The following FAF2 variants were observed in gnomAD, a reference collection of about 807,000 sequenced individuals.
The protein encoded by FAF2 is Fas associated factor family member 2.
A neutral mutation model predicts 62.3 loss-of-function variants in FAF2; 9 were observed. The observed-to-expected ratio is 0.14, with a 90% CI of 0.09 to 0.25. The LOEUF (loss-of-function observed/expected upper bound fraction) is 0.25. FAF2 is among the 10% of genes least tolerant of loss of function. The pLI, the probability that FAF2 is intolerant of heterozygous loss-of-function variation, is 1.00. For synonymous variants in FAF2, 202 were observed against 198.0 expected (o/e 1.02, Z -0.17); for missense variants, 368 against 556.2 (o/e 0.66, Z 3.40).
At chr5:176,462,831 C>T (rs944334982) in intron 1 of FAF2, among the ~76,000 whole-genome samples, 1 of 152,042 alleles carries the variant, frequency 6.6e-6, no homozygotes, top group Non-Finnish European at 1.5e-5. Flanking sequence ...CAGAATTTGT[C>T]AGCCTAGAAG....
At chr5:176,461,228 G>T (rs1214172376) in intron 1 of FAF2, among the ~76,000 whole-genome samples, 2 of 150,830 alleles carry the variant, frequency 1.3e-5, no homozygotes, top group African/African-American at 2.4e-5. Flanking sequence ...TGTCCAGGCT[G>T]GTCTCGAACT....
intron 9 of FAF2, 28 bp from the exon 10 acceptor site, chr5:176,499,975 G>C (rs976896396): frequency 1.2e-6 from 2 of 1,613,136 alleles, no homozygotes; most frequent in Non-Finnish European, 1.7e-6. Flanking sequence ...TTGAGCTGTA[G>C]CCTCACCTTT....
At chr5:176,498,492 T>C (rs924376551) in intron 8 of FAF2, among the ~76,000 whole-genome samples, 2 of 152,232 alleles carry the variant, frequency 1.3e-5, no homozygotes, top group Non-Finnish European at 2.9e-5. Flanking sequence ...CTGAAAACTC[T>C]ACATTTTCAG....
intron 4 of FAF2, 25 bp from the exon 5 acceptor site, chr5:176,492,168 TG>T: frequency 2.5e-6 from 4 of 1,613,878 alleles, no homozygotes; most frequent in Non-Finnish European, 3.4e-6. Flanking sequence ...GCTGGATTCA[TG>T]TGATATTTAT....
chr5:176,468,578 C>T (rs1581060424), intron 1 of FAF2, among the ~76,000 whole-genome samples: 2 of 151,892 alleles, frequency 1.3e-5, no homozygotes, highest in Non-Finnish European at 2.9e-5. Flanking sequence ...AGCAAGACTC[C>T]GTCTCAAAAA....
intron 10 of FAF2, among the ~76,000 whole-genome samples, chr5:176,502,374 A>G (rs1581077028): frequency 6.6e-6 from 1 of 151,432 alleles, no homozygotes; most frequent in Middle Eastern, 3.5e-3. Flanking sequence ...TGAGGTCGGG[A>G]GTTCAAGACC....
At chr5:176,449,431 C>T (rs558686772) in intron 1 of FAF2, among the ~76,000 whole-genome samples, 3 of 152,224 alleles carry the variant, frequency 2.0e-5, no homozygotes, top group East Asian at 3.9e-4. Flanking sequence ...AAATATTAGC[C>T]GGGCGTGGTG....
intron 1 of FAF2, among the ~76,000 whole-genome samples, chr5:176,470,719 T>C (rs565462307): frequency 3.3e-5 from 5 of 152,356 alleles, no homozygotes; most frequent in Admixed American, 1.3e-4. Flanking sequence ...AGACAGTGAA[T>C]GCCAAATGAG....
At chr5:176,501,706 TTC>T (rs1581076700) in intron 10 of FAF2, among the ~76,000 whole-genome samples, 1 of 150,618 alleles carries the variant, frequency 6.6e-6, no homozygotes, top group South Asian at 2.1e-4. Context: ...CTTGTTTTAT[TTC>T]TCTCTCATTT....
At chr5:176,453,153 C>T (rs1758217342) in intron 1 of FAF2, 1 of 152,160 alleles carries the variant, frequency 6.6e-6, no homozygotes, top group African/African-American at 2.4e-5. Context: ...ATATGAATAA[C>T]TATTGCAGAC....
At chr5:176,493,925 A>G in intron 5 of FAF2, 74 bp from the exon 6 acceptor site, 2 of 998,836 alleles carry the variant, frequency 2.0e-6, no homozygotes, top group South Asian at 2.8e-5. Context: ...AACTGTATCC[A>G]TTAGGACCCT....
chr5:176,493,905 C>G, intron 5 of FAF2, 94 bp from the exon 6 acceptor site: 1 of 816,900 alleles, frequency 1.2e-6, no homozygotes. Context: ...CCTTTTGTTC[C>G]TAAATACATA....
At chr5:176,459,969 A>C (rs975598227) in intron 1 of FAF2, among the ~76,000 whole-genome samples, 1 of 152,062 alleles carries the variant, frequency 6.6e-6, no homozygotes, top group Non-Finnish European at 1.5e-5. Flanking sequence ...CCTACTTACA[A>C]GTAAGAATGT....
chr5:176,469,125 A>G (rs1758517889), intron 1 of FAF2, among the ~76,000 whole-genome samples: 1 of 150,610 alleles, frequency 6.6e-6, no homozygotes, highest in East Asian at 2.0e-4. Flanking sequence ...TGTGCCTGTA[A>G]TCCCAGCTAC....
intron 4 of FAF2, among the ~76,000 whole-genome samples, chr5:176,489,248 T>C (rs2277068): frequency 0.6 from 90,031 of 151,064 alleles, 27,071 homozygotes; most frequent in South Asian, 0.69. Flanking sequence ...AGTCTTACCT[T>C]TTGTTTGCAA....
intron 1 of FAF2, among the ~76,000 whole-genome samples, chr5:176,452,741 C>T (rs1758211400): frequency 6.6e-6 from 1 of 152,094 alleles, no homozygotes; most frequent in Non-Finnish European, 1.5e-5. Context: ...AAATTAAAGC[C>T]AGATTTTGGA....
At chr5:176,502,852 A>C (rs1490839517) in intron 10 of FAF2, among the ~76,000 whole-genome samples, 1 of 151,914 alleles carries the variant, frequency 6.6e-6, no homozygotes, top group African/African-American at 2.4e-5. Context: ...GTTCCAAACC[A>C]GCCTGGCCAA....
chr5:176,462,418 G>C (rs1389089575), intron 1 of FAF2, among the ~76,000 whole-genome samples: 3 of 149,536 alleles, frequency 2.0e-5, no homozygotes, highest in African/African-American at 7.4e-5. Context: ...GAGGTCAAGA[G>C]ATCGAGACCA....
rs1409660984 is a variant in FAF2 at position 176,448,422 on chromosome 5, G to A, written c.15G>A (p.Glu5=). The A allele has an allele frequency of 6.2e-7, 1 of 1,607,310 alleles. No homozygotes were observed. The highest frequency in any genetic ancestry group is 8.5e-7 in the Non-Finnish European group (1 of 1,177,198). MAAP[E]ERDLTQEQTE... ...GCGGCGGCAAAATGGCGGCGCCTGA[G>A]GAGCGGGATCTAACCCAGGAGCAGA... Residue 5 remains glutamate, a synonymous_variant, in exon 1 of 11, where the codon GAG becomes GAA. Transcript: ENST00000261942.
Sources: gnomAD v4.1 joint callset for allele counts (sites outside exome capture counted in the v4.1 genomes callset) on GRCh38, gnomAD v4.1.1 for gene constraint, MANE v1.5 for transcripts, NCBI Gene and HGNC (gene_info 2026-07-23, HGNC 2026-07-21) for gene names.